TRRAP: variants seen among roughly 807,000 people sequenced by gnomAD.
TRRAP encodes transformation/transcription domain associated protein, also known as transformation/transcription domain-associated protein.
A neutral mutation model predicts 438.8 loss-of-function variants in TRRAP; 41 were observed. The ratio of observed to expected loss-of-function variants is 0.09; its 90% CI spans 0.07 to 0.12. The LOEUF (loss-of-function observed/expected upper bound fraction) is 0.12, where lower values mean the gene tolerates loss of function less well. TRRAP is among the 10% of genes least tolerant of loss of function. The pLI, the probability that TRRAP is intolerant of heterozygous loss-of-function variation, is 1.00. For missense variants in TRRAP, 3,122 were observed against 5,055.1 expected (o/e 0.62, Z 11.60); for synonymous variants, 1,994 against 1,962.9 (o/e 1.02, Z -0.42).
intron 28 of TRRAP, among the ~76,000 whole-genome samples, chr7:98,936,169 G>T (rs1482667072): frequency 6.6e-6 from 1 of 152,222 alleles, no homozygotes; most frequent in Non-Finnish European, 1.5e-5. Context: ...TTTCTTTCTA[G>T]TGGGGAGTGA....
chr7:98,958,128 A>G (rs1554420295), intron 44 of TRRAP, 37 bp downstream of exon 44: 1 of 1,574,478 alleles, frequency 6.4e-7, no homozygotes, highest in Non-Finnish European at 8.7e-7. Flanking sequence ...GGGCTTCTGC[A>G]GACCAGAGGC....
At chr7:98,907,414 G>C (rs1416826162) in intron 13 of TRRAP, among the ~76,000 whole-genome samples, 1 of 152,038 alleles carries the variant, frequency 6.6e-6, no homozygotes, top group Admixed American at 6.6e-5. Context: ...ATCAATGTTT[G>C]TCATATTTTA....
At chr7:98,940,115 C>G (rs562335014) in intron 30 of TRRAP, among the ~76,000 whole-genome samples, 55 of 152,074 alleles carry the variant, frequency 3.6e-4, no homozygotes, top group Admixed American at 6.5e-4. Context: ...AACTCCTGAC[C>G]TCAAGTGATC....
Position 98,892,406 on chromosome 7 carries a change from T to A in TRRAP, c.262-18T>A, listed in dbSNP as rs782804750. 8 of 1,588,672 alleles carry A rather than the reference T, an allele frequency of 5.0e-6. No individual in the cohort carries two copies. Among genetic ancestry groups the A allele is most frequent in the Middle Eastern group, 1.7e-4 (1 of 6,008 alleles). ...GGAAGTATTTTTATCCTTACATTTA[T>A]TTATTTTTTCTTGCCAGCAACTGCG... On this transcript the variant is annotated intron_variant, in intron 4 of 72. Coordinates refer to ENST00000456197, the MANE Select transcript of TRRAP (RefSeq NM_001375524.1).
chr7:98,946,026 GGTTCTGTACTGGACAGAGTGC>G, intron 33 of TRRAP, 76 bp downstream of exon 33: 1 of 1,346,764 alleles, frequency 7.4e-7, no homozygotes, highest in Non-Finnish European at 9.6e-7. Context: ...GCTGTGTCGT[GGTTCTGTACTGGACAGAGTGC>G]GTTGTGCCCT....
chr7:98,900,939 TA>T (rs1354304415), intron 11 of TRRAP, among the ~76,000 whole-genome samples: 1 of 152,264 alleles, frequency 6.6e-6, no homozygotes, highest in Non-Finnish European at 1.5e-5. Context: ...CACACCGATT[TA>T]TTTGGTCCCC....
rs1792204130 is a variant in TRRAP, at chr7:98,967,404, A to G, written c.7299-81A>G. The G allele has an allele frequency of 2.0e-6, 3 of 1,495,258 alleles. No individual in the cohort carries two copies. The Admixed American group carries it at 5.3e-5, about 26-fold the overall frequency. The allele number at this position is 1,495,258 out of a possible 1,614,324, so 92.6% of individuals were successfully genotyped here. On this transcript the variant is annotated intron_variant, in intron 50 of 72. Coordinates refer to ENST00000456197, the MANE Select transcript of TRRAP (RefSeq NM_001375524.1). ...CATAGTGGCATTTCAGCAAGTTCAC[A>G]TCCACGTTCACCTGTTTCTGCTTGT...
At chr7:98,882,089 G>A in intron 3 of TRRAP, 65 bp downstream of exon 3, 2 of 1,381,108 alleles carry the variant, frequency 1.4e-6, no homozygotes, top group East Asian at 4.6e-5. Context: ...TTCCTGTCCT[G>A]CTTTGTCAGT....
chr7:98,954,717 G>A (rs1452119403), intron 40 of TRRAP, among the ~76,000 whole-genome samples: 3 of 152,126 alleles, frequency 2.0e-5, no homozygotes, highest in African/African-American at 4.8e-5. Context: ...TGCAGCTGCC[G>A]CTTCTCAGCG....
chr7:98,939,610 A>T (rs1354550038), intron 30 of TRRAP, among the ~76,000 whole-genome samples: 7 of 152,244 alleles, frequency 4.6e-5, no homozygotes, highest in African/African-American at 1.7e-4. Flanking sequence ...ATACACATAC[A>T]CACCTATCAG....
chr7:98,921,610 A>G, intron 20 of TRRAP, 143 bp from the exon 21 acceptor site: 2 of 1,019,818 alleles, frequency 2.0e-6, no homozygotes, highest in East Asian at 2.5e-5. Context: ...TCCTGACGTC[A>G]GGTGATCTAC....
At chr7:98,963,624 C>G (rs1792021978) in intron 47 of TRRAP, among the ~76,000 whole-genome samples, 1 of 152,192 alleles carries the variant, frequency 6.6e-6, no homozygotes. Context: ...GAGTACACCC[C>G]ATTTCCATCA....
chr7:98,923,515 C>T (rs1057135960), intron 21 of TRRAP, among the ~76,000 whole-genome samples: 3 of 152,268 alleles, frequency 2.0e-5, no homozygotes, highest in African/African-American at 7.2e-5. Flanking sequence ...GCTTTTGGCA[C>T]ACTTGGCAGT....
intron 11 of TRRAP, among the ~76,000 whole-genome samples, chr7:98,901,633 C>G (rs1350295899): frequency 2.0e-5 from 3 of 152,208 alleles, no homozygotes; most frequent in Non-Finnish European, 4.4e-5. Flanking sequence ...ACTGTAGCCT[C>G]TGCCTCACTG....
intron 1 of TRRAP, among the ~76,000 whole-genome samples, chr7:98,880,067 C>T (rs1033822574): frequency 3.9e-5 from 6 of 152,190 alleles, no homozygotes; most frequent in Non-Finnish European, 7.3e-5. Context: ...CACTGAGTGC[C>T]TGCTGCCTGG....
At chr7:98,889,503 A>T (rs1554404474) in intron 3 of TRRAP, among the ~76,000 whole-genome samples, 1 of 150,446 alleles carries the variant, frequency 6.6e-6, no homozygotes, top group East Asian at 2.0e-4. Flanking sequence ...AAACTGCCCT[A>T]GTATCTTCAT....
Position 98,947,128 on chromosome 7 carries a change from G to A in TRRAP, c.4549-1093G>A, listed in dbSNP as rs370636192. Reference sequence around the variant, plus strand: ...ATCGCAGCGCGCACAGCGCAGCACGGCACATTGGAACGTGTCCCTCCCTTG... The same window carrying A: ...ATCGCAGCGCGCACAGCGCAGCACGACACATTGGAACGTGTCCCTCCCTTG... On this transcript the variant is annotated intron_variant, in intron 33 of 72. Transcript: ENST00000456197. Among the ~76,000 whole-genome samples the A allele has an allele frequency of 2.0e-5, 3 of 152,244 alleles. No homozygotes were observed. In the South Asian group the frequency reaches 6.2e-4, roughly 31 times the overall value.
rs1296017728 is a variant in TRRAP at position 98,935,523 on chromosome 7, GTTA to G, written c.4015-51_4015-49del. 2.7e-6 allele frequency: 4 copies of G among 1,503,460 alleles called. No homozygotes were observed. The African/African-American group carries it at 5.5e-5, about 21-fold the overall frequency. 93.1% of individuals were successfully genotyped at this position (1,503,460 alleles called of 1,614,324 possible). ...ATTGCTGTGTTCTGTTATTTGCAAG[GTTA>G]TTATGTCTTCACAGGAAGAGTGGGC... On this transcript the variant is annotated intron_variant, in intron 27 of 72. Transcript: ENST00000456197.
intron 49 of TRRAP, 51 bp downstream of exon 49, chr7:98,965,946 C>T: frequency 6.3e-7 from 1 of 1,591,086 alleles, no homozygotes; most frequent in African/African-American, 1.3e-5. Context: ...AAAGAAAATT[C>T]AAGCCTCAAC....
Sources: gnomAD v4.1 joint callset for allele counts (sites outside exome capture counted in the v4.1 genomes callset) on GRCh38, gnomAD v4.1.1 for gene constraint, MANE v1.5 for transcripts, NCBI Gene and HGNC (gene_info 2026-07-23, HGNC 2026-07-21) for gene names.